CTNNA1: variants seen among roughly 807,000 people sequenced by gnomAD.
The protein encoded by CTNNA1 is catenin alpha 1.
In CTNNA1, 37 loss-of-function variants were observed where a neutral mutation model predicts 98.4. The ratio of observed to expected loss-of-function variants is 0.38; its 90% CI spans 0.29 to 0.49. CTNNA1 has a LOEUF of 0.49. CTNNA1 is among the 20% of genes least tolerant of loss of function. The pLI, the probability that CTNNA1 is intolerant of heterozygous loss-of-function variation, is 0.95. For missense variants in CTNNA1, 761 were observed against 1,147.2 expected (o/e 0.66, Z 4.86); for synonymous variants, 404 against 413.2 (o/e 0.98, Z 0.27).
chr5:138,808,495 T>C (rs571656034), intron 3 of CTNNA1, among the ~76,000 whole-genome samples: 4 of 152,214 alleles, frequency 2.6e-5, no homozygotes, highest in Middle Eastern at 3.4e-3. Flanking sequence ...ATATAATTCA[T>C]TGGAAGTTTT....
chr5:138,846,654 A>G (rs1762752977), intron 7 of CTNNA1, among the ~76,000 whole-genome samples: 1 of 152,192 alleles, frequency 6.6e-6, no homozygotes, highest in Admixed American at 6.5e-5. Context: ...GACCTCTTTA[A>G]TCTTCTGACT....
At chr5:138,860,013 CGTGTGTGTGTGTGTTTAAAGATT>C (rs1561603398) in intron 7 of CTNNA1, among the ~76,000 whole-genome samples, 1 of 151,460 alleles carries the variant, frequency 6.6e-6, no homozygotes, top group Non-Finnish European at 1.5e-5. Context: ...CGTGTGCATG[CGTGTGTGTGTGTGTTTAAAGATT>C]GTGTGTGTGT....
intron 8 of CTNNA1, among the ~76,000 whole-genome samples, chr5:138,887,049 T>C (rs1156979757): frequency 6.6e-6 from 1 of 152,088 alleles, no homozygotes. Context: ...AGTTTTAAGG[T>C]TCATAGTGTG....
intron 3 of CTNNA1, among the ~76,000 whole-genome samples, chr5:138,792,817 A>G (rs1052174644): frequency 6.6e-6 from 1 of 152,238 alleles, no homozygotes; most frequent in Non-Finnish European, 1.5e-5. Flanking sequence ...ACATTTTGAA[A>G]AAGATTAAAG....
chr5:138,879,028 G>A (rs1752275757), intron 7 of CTNNA1, among the ~76,000 whole-genome samples: 1 of 152,054 alleles, frequency 6.6e-6, no homozygotes, highest in African/African-American at 2.4e-5. Context: ...TGGCCAAGGT[G>A]GTGAAATCCC....
At chr5:138,796,930 A>G (rs899615317) in intron 3 of CTNNA1, among the ~76,000 whole-genome samples, 1 of 151,708 alleles carries the variant, frequency 6.6e-6, no homozygotes, top group Non-Finnish European at 1.5e-5. Context: ...AGGTCTGTGT[A>G]ACCATTGAAT....
intron 7 of CTNNA1, among the ~76,000 whole-genome samples, chr5:138,876,728 A>T (rs288035): frequency 0.26 from 39,254 of 152,144 alleles, 5,336 homozygotes; most frequent in Middle Eastern, 0.31. Context: ...GGCAGATCTA[A>T]GAAGTAATTG....
rs369653057 is a variant in CTNNA1, at chr5:138,823,956, CAAAAAAAAAA to C, written c.589-553_589-544del. On this transcript the variant is annotated intron_variant, in intron 5 of 17. Coordinates refer to ENST00000302763, the MANE Select transcript of CTNNA1 (RefSeq NM_001903.5). ...TGGGCGACAGAGCGAGACTCCGTCT[CAAAAAAAAAA>C]AAAAAAAAAAAAAAAAAAAATTATG... Among the ~76,000 whole-genome samples the C allele has an allele frequency of 2.6e-4, 17 of 64,422 alleles. 1 individual carries two copies. Among genetic ancestry groups the C allele is most frequent in the Admixed American group, 7.3e-4 (3 of 4,132 alleles). 42.3% of individuals were successfully genotyped at this position (64,422 alleles called of 152,430 possible). A position where few individuals can be genotyped will look rare whatever the true frequency, so the allele number is the denominator to read the frequency against.
At chr5:138,831,310 AAGTC>A (rs1281844225) in intron 7 of CTNNA1, among the ~76,000 whole-genome samples, 1 of 152,224 alleles carries the variant, frequency 6.6e-6, no homozygotes, top group Non-Finnish European at 1.5e-5. Context: ...CAGACCAATT[AAGTC>A]AGAATCTCTG....
intron 7 of CTNNA1, chr5:138,875,148 A>C (rs921363119): frequency 4.5e-6 from 2 of 445,654 alleles, no homozygotes; most frequent in Non-Finnish European, 7.9e-6. Context: ...TTTTGAATAT[A>C]AGTTATTAAA....
intron 7 of CTNNA1, among the ~76,000 whole-genome samples, chr5:138,830,795 A>C (rs558174870): frequency 6.6e-6 from 1 of 152,158 alleles, no homozygotes; most frequent in African/African-American, 2.4e-5. Flanking sequence ...GGAACAGACA[A>C]AGTTTCTATA....
intron 1 of CTNNA1, among the ~76,000 whole-genome samples, chr5:138,780,428 C>T (rs2149645916): frequency 6.6e-6 from 1 of 151,938 alleles, no homozygotes; most frequent in South Asian, 2.1e-4. Context: ...CTCCTGACCT[C>T]ATGATCTGCC....
At chr5:138,858,168 C>G (rs1401217400) in intron 7 of CTNNA1, among the ~76,000 whole-genome samples, 1 of 151,766 alleles carries the variant, frequency 6.6e-6, no homozygotes, top group Non-Finnish European at 1.5e-5. Flanking sequence ...GCTCTGTTGC[C>G]CAGGCTGAAA....
intron 5 of CTNNA1, among the ~76,000 whole-genome samples, chr5:138,820,094 A>G (rs1249401283): frequency 1.4e-5 from 2 of 145,600 alleles, no homozygotes; most frequent in Non-Finnish European, 3.0e-5. Flanking sequence ...GAGCCAATTA[A>G]ACCTGTAAAG....
chr5:138,761,814 G>A (rs1752413479), intron 1 of CTNNA1: 1 of 152,284 alleles, frequency 6.6e-6, no homozygotes, highest in Non-Finnish European at 1.5e-5. Context: ...GAGTGCAGTG[G>A]TGCAATCACA....
At chr5:138,761,486 C>T (rs62384265) in intron 1 of CTNNA1, among the ~76,000 whole-genome samples, 14,987 of 152,218 alleles carry the variant, frequency 0.098, 1,005 homozygotes, top group Middle Eastern at 0.14. Context: ...ATCCGTCCGC[C>T]TCCTAAAGTG....
chr5:138,922,942 A>C (rs1488184193), intron 11 of CTNNA1, among the ~76,000 whole-genome samples: 1 of 152,142 alleles, frequency 6.6e-6, no homozygotes, highest in South Asian at 2.1e-4. Flanking sequence ...AAAAAAAAAA[A>C]AACCGTAGAA....
At chr5:138,860,393 T>G (rs1192665682) in intron 7 of CTNNA1, among the ~76,000 whole-genome samples, 1 of 152,192 alleles carries the variant, frequency 6.6e-6, no homozygotes, top group Non-Finnish European at 1.5e-5. Context: ...TTTGACACTT[T>G]AGGAATGCTG....
At chr5:138,862,298 C>T (rs145365016) in intron 7 of CTNNA1, among the ~76,000 whole-genome samples, 134 of 152,280 alleles carry the variant, frequency 8.8e-4, no homozygotes, top group African/African-American at 3.2e-3. Context: ...CCAAACCTGC[C>T]ACAATTGGAA....
Sources: allele counts gnomAD v4.1 joint callset (sites outside exome capture counted in the v4.1 genomes callset), GRCh38; gene constraint gnomAD v4.1.1; transcripts MANE v1.5; gene names NCBI Gene and HGNC (gene_info 2026-07-23, HGNC 2026-07-21).